The following BMP2K variants were observed in gnomAD, a reference collection of about 807,000 sequenced individuals.
The protein encoded by BMP2K is BMP2 inducible kinase.
In BMP2K, 74 loss-of-function variants were observed where a neutral mutation model predicts 116.0. The observed-to-expected ratio is 0.64, with a 90% CI of 0.53 to 0.77. BMP2K has a LOEUF of 0.77. BMP2K is among the 30% of genes least tolerant of loss of function. The pLI is 0.00. For synonymous variants in BMP2K, 486 were observed against 502.5 expected, an observed-to-expected ratio of 0.97 and a Z score of 0.44; for missense variants, 1,365 against 1,403.6, an observed-to-expected ratio of 0.97 and a Z score of 0.44.
intron 2 of BMP2K, among the ~76,000 whole-genome samples, chr4:78,833,344 TCA>T (rs1730300086): frequency 6.6e-6 from 1 of 152,128 alleles, no homozygotes. Context: ...TGAACCATTT[TCA>T]CAGTTCAATT....
chr4:78,870,321 A>G (rs1242920172), intron 10 of BMP2K, among the ~76,000 whole-genome samples: 3 of 152,216 alleles, frequency 2.0e-5, no homozygotes, highest in African/African-American at 7.2e-5. Flanking sequence ...AACATGTGCA[A>G]GACAGACTGA....
At position 78,909,011 on chromosome 4, in the gene BMP2K, A is replaced by C. The variant is rs115622003; in HGVS notation, c.2063-1599A>C. On this transcript the variant is annotated intron_variant, in intron 15 of 15. Transcript: ENST00000502613. ...ACCAAAATCTCTAACTTGCATTACT[A>C]TAATTTCCTTTTGCCTGAACTCCCC... 1.4e-3 allele frequency among the ~76,000 whole-genome samples: 199 copies of C among 144,928 alleles called. 1 individual carries two copies. Among genetic ancestry groups the C allele is most frequent in the African/African-American group, 5.0e-3 (194 of 38,946 alleles).
intron 1 of BMP2K, among the ~76,000 whole-genome samples, chr4:78,823,007 A>G (rs914703362): frequency 6.6e-5 from 10 of 152,154 alleles, no homozygotes; most frequent in Non-Finnish European, 1.3e-4. Context: ...AAATTATTGA[A>G]AAGATAGTAC....
chr4:78,912,136 TAAAG>T lies in BMP2K; in HGVS notation c.*105_*108del. 9.7e-7 allele frequency: 1 copy of T among 1,027,784 alleles called. No homozygotes were observed. The highest frequency in any genetic ancestry group is 2.4e-5 in the East Asian group (1 of 41,808). The allele number at this position is 1,027,784 out of a possible 1,614,324, so 63.7% of individuals were successfully genotyped here. A position where few individuals can be genotyped will look rare whatever the true frequency, so the allele number is the denominator to read the frequency against. On this transcript the variant is annotated 3_prime_UTR_variant, in exon 16 of 16. Transcript: ENST00000502613. ...GGTAGCTCTTTATAGCATTCATTCT[TAAAG>T]ATCAGTCAGAATAGGTGATTTCTAA...
chr4:78,817,101 C>T (rs1945316961), intron 1 of BMP2K, among the ~76,000 whole-genome samples: 1 of 152,166 alleles, frequency 6.6e-6, no homozygotes, highest in South Asian at 2.1e-4. Context: ...TTTAAAGCTT[C>T]TTAAATGTTA....
intron 1 of BMP2K, among the ~76,000 whole-genome samples, chr4:78,780,812 A>G (rs1727468728): frequency 1.3e-5 from 2 of 152,222 alleles, no homozygotes; most frequent in Admixed American, 1.3e-4. Flanking sequence ...ACAAGCCAAC[A>G]AAAATCACCA....
At chr4:78,862,331 G>A (rs944616530) in intron 9 of BMP2K, among the ~76,000 whole-genome samples, 2 of 152,072 alleles carry the variant, frequency 1.3e-5, no homozygotes, top group Admixed American at 6.6e-5. Context: ...TGAGAGTGTG[G>A]AGGAGGGGAA....
intron 3 of BMP2K, among the ~76,000 whole-genome samples, chr4:78,839,455 C>T (rs1285814026): frequency 6.6e-6 from 1 of 152,116 alleles, no homozygotes; most frequent in Admixed American, 6.6e-5. Context: ...AATTTATCTG[C>T]CTCATTTATT....
intron 1 of BMP2K, 96 bp downstream of exon 1, chr4:78,776,817 T>C (rs996204110): frequency 1.1e-5 from 12 of 1,073,344 alleles, no homozygotes; most frequent in South Asian, 4.6e-5. Context: ...CTGACTCTTA[T>C]ACCCCATTCT....
chr4:78,864,112 A>G (rs1375940551), intron 9 of BMP2K, among the ~76,000 whole-genome samples: 3 of 152,176 alleles, frequency 2.0e-5, no homozygotes, highest in Admixed American at 2.0e-4. Flanking sequence ...TGAACAAAGT[A>G]TACAGACTTT....
chr4:78,911,813 G>A lies in BMP2K; in HGVS notation c.3266G>A (p.Ser1089Asn), dbSNP rs1734633283. 7 of 1,613,848 alleles carry A rather than the reference G, an allele frequency of 4.3e-6. No individual in the cohort carries two copies. The highest frequency in any genetic ancestry group is 2.2e-5 in the East Asian group (1 of 44,874). The change falls in exon 16 of 16, where the codon AGC becomes AAC. Residue 1089 changes from serine (S) to asparagine (N), a missense_variant. Around this residue, in one of 3 missense-constraint regions of BMP2K, gnomAD observed 596 missense variants for 623.2 expected, o/e 0.96. Transcript: ENST00000502613. Reference sequence around the variant, plus strand: ...TGGCACCCTCCACATCAGGGCCTGAGCGACATCCGTGCTGATCACAATACT... The same window carrying A: ...TGGCACCCTCCACATCAGGGCCTGAACGACATCCGTGCTGATCACAATACT... The part of the protein sequence containing the change: ...LSWHPPHQGL[S>N]DIRADHNTVL...
intron 6 of BMP2K, among the ~76,000 whole-genome samples, chr4:78,850,530 G>T (rs904658923): frequency 1.3e-5 from 2 of 151,852 alleles, no homozygotes; most frequent in Non-Finnish European, 2.9e-5. Flanking sequence ...GGAATCCCAG[G>T]ACTTTTAAAC....
chr4:78,872,934 C>T (rs1732443450), intron 13 of BMP2K, 136 bp downstream of exon 13: 1 of 894,948 alleles, frequency 1.1e-6, no homozygotes, highest in Non-Finnish European at 1.7e-6. Flanking sequence ...TCTTCCTAGT[C>T]CTGTCTTCTG....
chr4:78,905,097 T>G (rs1268570445), intron 15 of BMP2K, among the ~76,000 whole-genome samples: 1 of 151,880 alleles, frequency 6.6e-6, no homozygotes, highest in African/African-American at 2.4e-5. Flanking sequence ...GACTAATCTA[T>G]TGGTTCATTC....
intron 3 of BMP2K, among the ~76,000 whole-genome samples, chr4:78,834,602 A>G (rs959821939): frequency 1.3e-5 from 2 of 151,950 alleles, no homozygotes; most frequent in African/African-American, 2.4e-5. Context: ...CAAATATTCT[A>G]TTTCCTACAA....
chr4:78,814,005 T>A (rs1157478706), intron 1 of BMP2K, among the ~76,000 whole-genome samples: 2 of 152,162 alleles, frequency 1.3e-5, no homozygotes, highest in East Asian at 3.8e-4. Flanking sequence ...TACTAAATGG[T>A]GTAGTTTCTT....
At chr4:78,818,022 G>A (rs1729436212) in intron 1 of BMP2K, among the ~76,000 whole-genome samples, 1 of 152,090 alleles carries the variant, frequency 6.6e-6, no homozygotes, top group African/African-American at 2.4e-5. Flanking sequence ...ATGGATGGGG[G>A]AGGCATTCAT....
rs767584765 is a variant in BMP2K, at chr4:78,776,734, G to T, written c.178+13G>T. The T allele has an allele frequency of 1.6e-6, 2 of 1,262,178 alleles. No individual in the cohort carries two copies. The highest frequency in any genetic ancestry group is 2.0e-6 in the Non-Finnish European group (2 of 999,828). 78.2% of individuals were successfully genotyped at this position (1,262,178 alleles called of 1,614,324 possible). A position where few individuals can be genotyped will look rare whatever the true frequency, so the allele number is the denominator to read the frequency against. ...TCGCTGGCCGAAGGTACGGGCGCCC[G>T]GGGAGGCTCGGACAGGCAGGTGAGG... On this transcript the variant is annotated intron_variant, in intron 1 of 15. Transcript: ENST00000502613.
rs540806345 is a variant in BMP2K at position 78,798,764 on chromosome 4, C to T, written c.178+22043C>T. On this transcript the variant is annotated intron_variant, in intron 1 of 15. Coordinates refer to ENST00000502613, the MANE Select transcript of BMP2K (RefSeq NM_198892.2). ...CAATATCACTGCCTTCTTCCTTTTG[C>T]TGTTGAGAAGTTGATAGTTACTCCA... is the stretch of plus-strand genomic sequence containing the variant. 7.6e-4 allele frequency among the ~76,000 whole-genome samples: 116 copies of T among 152,282 alleles called. No homozygotes were observed. The Middle Eastern group carries it at 0.01, about 13-fold the overall frequency.
Sources: allele counts gnomAD v4.1 joint callset (sites outside exome capture counted in the v4.1 genomes callset), GRCh38; gene constraint gnomAD v4.1.1; regional missense constraint gnomAD v4.1.1; transcripts MANE v1.5; gene names NCBI Gene and HGNC (gene_info 2026-07-23, HGNC 2026-07-21).